MTMR14: variants seen among roughly 807,000 people sequenced by gnomAD.
The protein encoded by MTMR14 is phosphatidylinositol-3,5-bisphosphate 3-phosphatase MTMR14.
In MTMR14, 48 loss-of-function variants were observed where a neutral mutation model predicts 86.3. The ratio of observed to expected loss-of-function variants is 0.56; its 90% CI spans 0.44 to 0.71. The LOEUF is 0.71. Among genes scored for constraint, MTMR14 ranks in the 30% least tolerant of loss-of-function variants. The probability of loss-of-function intolerance (pLI) is 0.00; values close to 1 mark genes in which losing one functional copy is unlikely to be tolerated. For missense variants in MTMR14, 780 were observed against 834.6 expected (o/e 0.93, Z 0.81); for synonymous variants, 366 against 326.1 (o/e 1.12, Z -1.32).
chr3:9,689,057 G>C lies in MTMR14; in HGVS notation c.1408G>C (p.Ala470Pro). ...FTYEAVELVP[A>P]GAPTQAAWRK... ...CTATGAGGCCGTGGAGCTGGTCCCA[G>C]CAGGAGCGCCAACTCAGGCAGCTTG... The change falls in exon 16 of 19, where the codon GCA (alanine) becomes CCA (proline). Residue 470 changes from alanine to proline, a missense_variant. Coordinates refer to ENST00000296003, the MANE Select transcript of MTMR14 (RefSeq NM_001077525.3). 2 of 1,612,994 alleles carry C rather than the reference G, an allele frequency of 1.2e-6. No homozygotes were observed. The highest frequency in any genetic ancestry group is 1.7e-6 in the Non-Finnish European group (2 of 1,180,038).
chr3:9,695,486 G>A (rs928608599), intron 17 of MTMR14, among the ~76,000 whole-genome samples: 2 of 152,190 alleles, frequency 1.3e-5, no homozygotes, highest in South Asian at 2.1e-4. Flanking sequence ...TAATCCATCC[G>A]ACAGCTGCTG....
chr3:9,673,842 A>G (rs2048706525), intron 7 of MTMR14, among the ~76,000 whole-genome samples: 1 of 146,664 alleles, frequency 6.8e-6, no homozygotes, highest in Non-Finnish European at 1.5e-5. Flanking sequence ...CCTGTAAATA[A>G]CAGGCCTAAT....
rs531028304 is a variant in MTMR14 at position 9,658,077 on chromosome 3, G to GT, written c.309-4185dup. Among the ~76,000 whole-genome samples, 58 of 152,216 alleles carry GT rather than the reference G, an allele frequency of 3.8e-4. 1 individual carries two copies. The South Asian group carries it at 0.012, about 32-fold the overall frequency. Reference sequence around the variant, plus strand: ...ACCTTAGAGGAGCTTGTTGGAGTTTGTTTTTACTTTTCACTCCTTGCAAGG... The same window carrying GT: ...ACCTTAGAGGAGCTTGTTGGAGTTTGTTTTTTACTTTTCACTCCTTGCAAGG... On this transcript the variant is annotated intron_variant, in intron 2 of 18. Coordinates refer to ENST00000296003, the MANE Select transcript of MTMR14 (RefSeq NM_001077525.3).
At chr3:9,678,883 G>C (rs1202511661) in intron 9 of MTMR14, among the ~76,000 whole-genome samples, 3 of 152,226 alleles carry the variant, frequency 2.0e-5, no homozygotes, top group African/African-American at 4.8e-5. Context: ...CACAGCTTGT[G>C]TGTCCCAGCA....
intron 2 of MTMR14, among the ~76,000 whole-genome samples, chr3:9,655,612 C>A (rs1233909453): frequency 6.6e-6 from 1 of 150,840 alleles, no homozygotes; most frequent in Non-Finnish European, 1.5e-5. Context: ...AGGCGCCCGC[C>A]ACCACGCCCA....
chr3:9,659,563 C>T (rs2047801760), intron 2 of MTMR14: 1 of 370,112 alleles, frequency 2.7e-6, no homozygotes, highest in South Asian at 2.0e-5. Flanking sequence ...CCTGCCTCAG[C>T]CTCCCGAGTA....
chr3:9,687,623 C>T (rs1341543471), intron 13 of MTMR14, among the ~76,000 whole-genome samples, 198 bp from the exon 14 acceptor site: 2 of 152,156 alleles, frequency 1.3e-5, no homozygotes, highest in Non-Finnish European at 2.9e-5. Context: ...TCCTGCCTTG[C>T]CCCGGCCCAC....
chr3:9,685,483 G>A (rs1038998725), intron 13 of MTMR14, among the ~76,000 whole-genome samples: 1 of 152,168 alleles, frequency 6.6e-6, no homozygotes, highest in Non-Finnish European at 1.5e-5. Flanking sequence ...ACGTCGGGGT[G>A]AGCAGTTACA....
rs889075343 is a variant in MTMR14 at position 9,672,845 on chromosome 3, C to T, written c.751+87C>T. ...AGCCCTCTCTACTTAGTTACACTGG[C>T]GCCCTGGGAGCTTTCCTGGAGGGTT... On this transcript the variant is annotated intron_variant, in intron 7 of 18. Coordinates refer to ENST00000296003, the MANE Select transcript of MTMR14 (RefSeq NM_001077525.3). The T allele has an allele frequency of 1.0e-4, 129 of 1,271,044 alleles. 1 individual carries two copies. The highest frequency in any genetic ancestry group is 1.1e-4 in the Non-Finnish European group (94 of 867,770). 78.7% of individuals were successfully genotyped at this position (1,271,044 alleles called of 1,614,324 possible). A position where few individuals can be genotyped will look rare whatever the true frequency, so the allele number is the denominator to read the frequency against.
At chr3:9,685,035 C>T (rs1389808945) in intron 12 of MTMR14, 71 bp downstream of exon 12, 1 of 1,536,768 alleles carries the variant, frequency 6.5e-7, no homozygotes, top group African/African-American at 1.4e-5. Context: ...GTGGTGGCTC[C>T]CTTGACAGGG....
rs774250927 is a variant in MTMR14 at position 9,684,972 on chromosome 3, TTTGCAGGAG to T, written c.1127+12_1127+20del. The T allele has an allele frequency of 1.7e-5, 27 of 1,613,808 alleles. No homozygotes were observed. The highest frequency in any genetic ancestry group is 2.1e-5 in the Non-Finnish European group (25 of 1,179,872). On this transcript the variant is annotated intron_variant, in intron 12 of 18. Coordinates refer to ENST00000296003, the MANE Select transcript of MTMR14 (RefSeq NM_001077525.3). ...TGACTGGTTCCTCTTCGGGTAAGCCTTTGCAGGAGTTGGGTTTTGGGGCCTTAGTAACAG... is the reference window on the plus strand; with the variant it reads ...TGACTGGTTCCTCTTCGGGTAAGCCTTTGGGTTTTGGGGCCTTAGTAACAG...
At chr3:9,685,325 G>A (rs1411338137) in intron 13 of MTMR14, 78 bp downstream of exon 13, 22 of 1,556,688 alleles carry the variant, frequency 1.4e-5, no homozygotes, top group East Asian at 6.7e-5. Flanking sequence ...TGAGTTCCAC[G>A]TGTTAGGGGC....
chr3:9,680,271 G>T (rs1291354396), intron 9 of MTMR14, among the ~76,000 whole-genome samples: 1 of 152,164 alleles, frequency 6.6e-6, no homozygotes, highest in Non-Finnish European at 1.5e-5. Context: ...TAGTGCAACT[G>T]CAATCCTTCT....
rs375073078 is a variant in MTMR14 at position 9,661,665 on chromosome 3, CATA to C, written c.309-598_309-596del. Among the ~76,000 whole-genome samples the C allele has an allele frequency of 2.7e-3, 410 of 152,282 alleles. 5 individuals carry two copies. Among genetic ancestry groups the C allele is most frequent in the African/African-American group, 9.6e-3 (398 of 41,544 alleles). ...GGAGTTAAAAATTGGACACCCTAGA[CATA>C]ATATCCAGTTTTCTGTGTATATTTC... is the stretch of plus-strand genomic sequence containing the variant. On this transcript the variant is annotated intron_variant, in intron 2 of 18. Transcript: ENST00000296003.
At chr3:9,665,405 G>C (rs1288232767) in intron 3 of MTMR14, among the ~76,000 whole-genome samples, 1 of 152,070 alleles carries the variant, frequency 6.6e-6, no homozygotes, top group Non-Finnish European at 1.5e-5. Flanking sequence ...TCATTCATAA[G>C]TGGGAGCTAA....
intron 2 of MTMR14, among the ~76,000 whole-genome samples, chr3:9,661,144 A>G (rs530929210): frequency 6.6e-6 from 1 of 152,294 alleles, no homozygotes; most frequent in East Asian, 1.9e-4. Flanking sequence ...TGTTGGCCAT[A>G]TGGACTGTGA....
rs2047161982 is a variant in MTMR14, at chr3:9,649,632, G to A, written c.49G>A (p.Ala17Thr). The A allele has an allele frequency of 1.9e-6, 3 of 1,564,220 alleles. No individual in the cohort carries two copies. Among genetic ancestry groups the A allele is most frequent in the Admixed American group, 1.9e-5 (1 of 52,296 alleles). ...CGCCGCTGCCTCGGCGGGGTCCTCG[G>A]CCTCTTCAGGCAACCAGCCGCCTCA... ...AAAAASAGSS[A>T]SSGNQPPQEL... The change falls in exon 1 of 19, where the codon GCC (alanine) becomes ACC (threonine). Residue 17 changes from alanine to threonine, a missense_variant. Physicochemically the swap from Ala to Thr is moderately conservative, Grantham distance 58. Coordinates refer to ENST00000296003, the MANE Select transcript of MTMR14 (RefSeq NM_001077525.3).
In MTMR14 at chr3:9,694,502, T is replaced by TTGGA. The variant is rs60351585; in HGVS notation, c.1614-3183_1614-3180dup. Among the ~76,000 whole-genome samples the TTGGA allele has an allele frequency of 1.8e-3, 274 of 151,836 alleles. 1 individual carries two copies. Among genetic ancestry groups the TTGGA allele is most frequent in the East Asian group, 4.3e-3 (22 of 5,158 alleles). ...ACAAAAGATAGATTAGATAGATAGA[T>TTGGA]TGGATGGATGGATGGATGGATGGAT... On this transcript the variant is annotated intron_variant, in intron 17 of 18. Coordinates refer to ENST00000296003, the MANE Select transcript of MTMR14 (RefSeq NM_001077525.3).
At chr3:9,692,919 C>A (rs1385138181) in intron 17 of MTMR14, among the ~76,000 whole-genome samples, 1 of 152,190 alleles carries the variant, frequency 6.6e-6, no homozygotes, top group East Asian at 1.9e-4. Flanking sequence ...CAGGTCCCCT[C>A]AGAGCCCAGG....
Sources: allele counts gnomAD v4.1 joint callset (sites outside exome capture counted in the v4.1 genomes callset), GRCh38; gene constraint gnomAD v4.1.1; transcripts MANE v1.5; gene names NCBI Gene and HGNC (gene_info 2026-07-23, HGNC 2026-07-21).